HADHB: variants seen among roughly 807,000 people sequenced by gnomAD.
HADHB encodes the protein hydroxyacyl-CoA dehydrogenase trifunctional multienzyme complex subunit beta.
A neutral mutation model predicts 61.9 loss-of-function variants in HADHB; 50 were observed. The ratio of observed to expected loss-of-function variants is 0.81; its 90% CI spans 0.64 to 1.02. The LOEUF (loss-of-function observed/expected upper bound fraction) is 1.02. HADHB is among the 50% of genes least tolerant of loss of function. The pLI, the probability that HADHB is intolerant of heterozygous loss-of-function variation, is 0.00. For missense variants in HADHB, 504 were observed against 586.5 expected (o/e 0.86, Z 1.45); for synonymous variants, 191 against 201.6 (o/e 0.95, Z 0.45).
intron 15 of HADHB, among the ~76,000 whole-genome samples, chr2:26,287,610 A>G (rs1673087764): frequency 6.6e-6 from 1 of 152,218 alleles, no homozygotes; most frequent in Non-Finnish European, 1.5e-5. Context: ...AGTTTATAGT[A>G]TGAAGAGAGA....
chr2:26,279,073 C>A, intron 8 of HADHB, 62 bp from the exon 9 acceptor site: 1 of 1,290,484 alleles, frequency 7.7e-7, no homozygotes, highest in Non-Finnish European at 1.1e-6. Flanking sequence ...ACAGAACAAT[C>A]CTAGGTGTTA....
intron 1 of HADHB, among the ~76,000 whole-genome samples, chr2:26,251,659 T>C (rs1321467436): frequency 1.3e-5 from 2 of 152,152 alleles, no homozygotes; most frequent in African/African-American, 4.8e-5. Flanking sequence ...ATGGGCCTCT[T>C]TGTGTTTCTC....
At chr2:26,271,909 AT>A (rs1672363314) in intron 5 of HADHB, among the ~76,000 whole-genome samples, 1 of 151,900 alleles carries the variant, frequency 6.6e-6, no homozygotes. Flanking sequence ...CAAAAAAAAA[AT>A]TTTTTTTAAA....
In HADHB at chr2:26,263,419, A is replaced by T; in HGVS notation, c.149A>T (p.Asn50Ile). ...TKTKKTLAKP[N>I]IRNVVVVDGV... is the part of the protein sequence containing the mutation. ...ACGAAGAAGACGTTAGCCAAACCCA[A>T]TATAAGGAATGTTGTGGTGGTGGAT... The change falls in exon 4 of 16, where the codon AAT (asparagine) becomes ATT (isoleucine). Residue 50 changes from asparagine (N) to isoleucine (I), a missense_variant. Coordinates refer to ENST00000317799, the MANE Select transcript of HADHB (RefSeq NM_000183.3). 2 of 1,613,544 alleles carry T rather than the reference A, an allele frequency of 1.2e-6. No individual in the cohort carries two copies. The highest frequency in any genetic ancestry group is 1.7e-6 in the Non-Finnish European group (2 of 1,179,498).
intron 3 of HADHB, among the ~76,000 whole-genome samples, chr2:26,259,493 C>G (rs35461456): frequency 0.17 from 26,250 of 152,060 alleles, 2,729 homozygotes; most frequent in Middle Eastern, 0.26. Context: ...GATACGTTCC[C>G]CTACACTCCC....
At chr2:26,272,035 G>A (rs146851897) in intron 5 of HADHB, among the ~76,000 whole-genome samples, 5 of 152,100 alleles carry the variant, frequency 3.3e-5, no homozygotes, top group African/African-American at 4.8e-5. Context: ...GACTATAGGC[G>A]TAAGCCAATG....
At chr2:26,258,815 A>G (rs954228004) in intron 3 of HADHB, among the ~76,000 whole-genome samples, 1 of 152,008 alleles carries the variant, frequency 6.6e-6, no homozygotes, top group Non-Finnish European at 1.5e-5. Flanking sequence ...CAGATGATAG[A>G]TGATTTGAGT....
chr2:26,282,718 G>A (rs748093794), intron 10 of HADHB, 127 bp from the exon 11 acceptor site: 2 of 720,326 alleles, frequency 2.8e-6, no homozygotes, highest in Non-Finnish European at 5.0e-6. Flanking sequence ...TGAAGTAAGT[G>A]TTGTTATATA....
chr2:26,278,684 C>A lies in HADHB; in HGVS notation c.513C>A (p.Val171=). 1.2e-6 allele frequency: 2 copies of A among 1,613,952 alleles called. No individual in the cohort carries two copies. The highest frequency in any genetic ancestry group is 1.7e-6 in the Non-Finnish European group (2 of 1,179,850). The change falls in exon 8 of 16, where the codon GTC becomes GTA. Residue 171 remains valine (V), a synonymous_variant. Transcript: ENST00000317799. Reference sequence around the variant, plus strand: ...GTGGTGTTGAGTTGATGTCCGATGTCCCTATTCGTCACTCAAGGAAAATGA... The same window carrying A: ...GTGGTGTTGAGTTGATGTCCGATGTACCTATTCGTCACTCAAGGAAAATGA... ...VAGGVELMSD[V]PIRHSRKMRK...
chr2:26,275,371 A>C (rs1016016460), intron 6 of HADHB, among the ~76,000 whole-genome samples: 1 of 152,110 alleles, frequency 6.6e-6, no homozygotes, highest in African/African-American at 2.4e-5. Context: ...GGTTCAGCAT[A>C]TTTCCCTGTT....
At chr2:26,286,017 C>T (rs1045129041) in intron 15 of HADHB, among the ~76,000 whole-genome samples, 27 of 151,860 alleles carry the variant, frequency 1.8e-4, no homozygotes, top group African/African-American at 6.3e-4. Flanking sequence ...TGATTACAGG[C>T]ATGAGCCACC....
At chr2:26,285,739 G>GTTTTTTTTTTTGTTTTTTT (rs1673001896) in intron 15 of HADHB, among the ~76,000 whole-genome samples, 168 bp downstream of exon 15, 1 of 65,082 alleles carries the variant, frequency 1.5e-5, no homozygotes, top group South Asian at 6.6e-4. Flanking sequence ...TGTTTTTTGG[G>GTTTTTTTTTTTGTTTTTTT]TTTTTTTTTT....
chr2:26,250,037 C>T (rs1264685473), intron 1 of HADHB, among the ~76,000 whole-genome samples: 4 of 152,114 alleles, frequency 2.6e-5, no homozygotes, highest in South Asian at 2.1e-4. Context: ...GATGGAGTCT[C>T]GCTCTGTCGC....
chr2:26,275,040 GCCTGC>G (rs1255188437), intron 6 of HADHB, among the ~76,000 whole-genome samples: 1 of 152,054 alleles, frequency 6.6e-6, no homozygotes, highest in Non-Finnish European at 1.5e-5. Flanking sequence ...GATTCCCTCT[GCCTGC>G]CCTGTACTAA....
At chr2:26,273,294 CT>C (rs1672420071) in intron 5 of HADHB, among the ~76,000 whole-genome samples, 1 of 151,680 alleles carries the variant, frequency 6.6e-6, no homozygotes, top group Admixed American at 6.6e-5. Context: ...GGAGACTTTG[CT>C]TTATCTCTTT....
chr2:26,261,140 AG>A, intron 3 of HADHB: 1 of 768,058 alleles, frequency 1.3e-6, no homozygotes. Flanking sequence ...CCCCTTTGGC[AG>A]GGACTGTAAG....
At chr2:26,274,673 C>T (rs3792007) in intron 6 of HADHB, among the ~76,000 whole-genome samples, 26,090 of 152,084 alleles carry the variant, frequency 0.17, 2,717 homozygotes, top group Middle Eastern at 0.26. Context: ...TTCCTTGAAC[C>T]TTGACATTTC....
At chr2:26,253,302 G>T (rs1369853466) in intron 1 of HADHB, among the ~76,000 whole-genome samples, 3 of 151,050 alleles carry the variant, frequency 2.0e-5, no homozygotes, top group Non-Finnish European at 4.4e-5. Flanking sequence ...CTTTGAAAAA[G>T]TTGCAAGTGC....
At chr2:26,261,145 C>T in intron 3 of HADHB, 1 of 747,078 alleles carries the variant, frequency 1.3e-6, no homozygotes, top group South Asian at 1.5e-5. Flanking sequence ...TTGGCAGGGA[C>T]TGTAAGCAGG....
Sources: gnomAD v4.1 joint callset for allele counts (sites outside exome capture counted in the v4.1 genomes callset) on GRCh38, gnomAD v4.1.1 for gene constraint, MANE v1.5 for transcripts, NCBI Gene and HGNC (gene_info 2026-07-23, HGNC 2026-07-21) for gene names.